Variants in RPL27 observed in about 807,000 individuals in gnomAD.
RPL27 encodes the protein ribosomal protein L27, also known as large ribosomal subunit protein eL27.
For synonymous variants in RPL27, 77 were observed against 61.0 expected, an observed-to-expected ratio of 1.26 and a Z score of -1.22; for missense variants, 131 against 174.3, an observed-to-expected ratio of 0.75 and a Z score of 1.40.
chr17:42,999,317 A>T (rs1293758916), intron 2 of RPL27: 1 of 155,460 alleles, frequency 6.4e-6, no homozygotes, highest in Admixed American at 6.4e-5. Flanking sequence ...CCCCAGCTAT[A>T]GGGGGTTCCT....
At chr17:43,000,152 A>G in intron 3 of RPL27, 50 bp downstream of exon 3, 1 of 1,403,868 alleles carries the variant, frequency 7.1e-7, no homozygotes, top group South Asian at 1.2e-5. Flanking sequence ...TGCTCTGTTG[A>G]ATAATGAGAC....
Position 42,998,735 on chromosome 17 carries a change from C to T in RPL27, c.-2-14C>T. The T allele has an allele frequency of 1.2e-6, 2 of 1,609,534 alleles. No homozygotes were observed. Among genetic ancestry groups the T allele is most frequent in the South Asian group, 2.2e-5 (2 of 90,920 alleles). The stretch of plus-strand genomic sequence containing the variant: ...ACGGATTTTTAAGTGGCCCTTTCTC[C>T]TTGCTCTCTGCAGAAATGGGCAAGT... On this transcript the variant is annotated splice_polypyrimidine_tract_variant and intron_variant, in intron 1 of 4. Transcript: ENST00000253788.
At chr17:42,998,312 T>C (rs565844951), upstream of RPL27, 1 of 156,974 alleles carries the variant, frequency 6.4e-6, no homozygotes, top group Admixed American at 6.5e-5. Context: ...GTTTCCCTCA[T>C]GAGCTTCTTC....
intron 1 of RPL27, 121 bp from the exon 2 acceptor site, chr17:42,998,628 A>G: frequency 1.3e-6 from 1 of 754,758 alleles, no homozygotes; most frequent in Non-Finnish European, 2.3e-6. Flanking sequence ...GCCTTGACCA[A>G]GGCGACAGTG....
chr17:42,999,183 G>A, intron 2 of RPL27: 1 of 185,676 alleles, frequency 5.4e-6, no homozygotes, highest in Non-Finnish European at 1.1e-5. Context: ...TTTTTTTTTT[G>A]AGACGGGATC....
intron 2 of RPL27, chr17:42,999,090 A>C: frequency 2.2e-6 from 1 of 449,650 alleles, no homozygotes; most frequent in Non-Finnish European, 4.0e-6. Context: ...CACGCTTGCT[A>C]TGTGCTCCCA....
intron 2 of RPL27, 81 bp downstream of exon 2, chr17:42,998,912 G>A (rs1202277092): frequency 8.7e-7 from 1 of 1,155,676 alleles, no homozygotes. Flanking sequence ...TGGAATTCAA[G>A]GCCTGTTTCT....
rs548583865 is a variant in RPL27, at chr17:43,002,848, G to T, written c.363-24G>T. On this transcript the variant is annotated intron_variant, in intron 4 of 4. Transcript: ENST00000253788. Reference sequence around the variant, plus strand: ...ACTATTTCCATTCCTTTCCTCATTGGTGTCCTCTTTTTTTCCCTTCTAGAT... The same window carrying T: ...ACTATTTCCATTCCTTTCCTCATTGTTGTCCTCTTTTTTTCCCTTCTAGAT... The T allele has an allele frequency of 5.0e-6, 8 of 1,612,574 alleles. No individual in the cohort carries two copies. In the Admixed American group the frequency reaches 5.0e-5, roughly 10 times the overall value.
At chr17:43,002,372 T>C (rs933957393) in intron 3 of RPL27, among the ~76,000 whole-genome samples, 27 of 150,984 alleles carry the variant, frequency 1.8e-4, no homozygotes, top group African/African-American at 6.3e-4. Flanking sequence ...CCAGGCCTGA[T>C]GGCGGGCACC....
At chr17:43,002,582 C>CT (rs1491470279) in intron 3 of RPL27, 91 bp from the exon 4 acceptor site, 8 of 736,048 alleles carry the variant, frequency 1.1e-5, no homozygotes, top group Non-Finnish European at 1.8e-5. Flanking sequence ...AGGAGTCAGA[C>CT]CCTGATTCCC....
intron 3 of RPL27, among the ~76,000 whole-genome samples, chr17:43,001,442 G>A (rs370000817): frequency 7.2e-5 from 10 of 139,526 alleles, no homozygotes; most frequent in Admixed American, 4.6e-4. Context: ...CCTGGCCAAC[G>A]TGATGAAATC....
At chr17:42,998,539 G>T in intron 1 of RPL27, 68 bp downstream of exon 1, 1 of 452,778 alleles carries the variant, frequency 2.2e-6, no homozygotes, top group Non-Finnish European at 4.0e-6. Flanking sequence ...GAAGGTCCGG[G>T]CGGCGCCGGG....
rs145566561 is a variant in RPL27 at position 43,002,629 on chromosome 17, C to T, written c.252-44C>T. 1,624 of 1,243,080 alleles carry T rather than the reference C, an allele frequency of 1.3e-3. 17 individuals carry two copies. In the African/African-American group the frequency reaches 0.021, roughly 16 times the overall value. The allele number at this position is 1,243,080 out of a possible 1,614,324, so 77.0% of individuals were successfully genotyped here. On this transcript the variant is annotated intron_variant, in intron 3 of 4. Coordinates refer to ENST00000253788, the MANE Select transcript of RPL27 (RefSeq NM_000988.5). ...AAGGATTTGGGCTGTATAGGGGCCC[C>T]GGCAGTATGTGGGCTAATCCTGCCT...
intron 3 of RPL27, among the ~76,000 whole-genome samples, chr17:43,002,288 G>A (rs2050371357): frequency 6.6e-6 from 1 of 151,430 alleles, no homozygotes; most frequent in African/African-American, 2.4e-5. Context: ...GGCGGATCAC[G>A]AGGTCAGGAG....
intron 3 of RPL27, among the ~76,000 whole-genome samples, chr17:43,001,873 C>T (rs976867383): frequency 2.3e-4 from 35 of 151,616 alleles, no homozygotes; most frequent in Admixed American, 1.3e-4. Context: ...AAGCGGATCA[C>T]GAGATCAGGA....
chr17:42,998,487 G>A lies in RPL27; in HGVS notation c.-3+16G>A, dbSNP rs945745536. 3 of 366,524 alleles carry A rather than the reference G, an allele frequency of 8.2e-6. No homozygotes were observed. The highest frequency in any genetic ancestry group is 1.5e-5 in the Non-Finnish European group (3 of 198,686). 22.7% of individuals were successfully genotyped at this position (366,524 alleles called of 1,614,324 possible). A position where few individuals can be genotyped will look rare whatever the true frequency, so the allele number is the denominator to read the frequency against. On this transcript the variant is annotated intron_variant, in intron 1 of 4. Transcript: ENST00000253788. Reference sequence around the variant, plus strand: ...GTTGCTGCCGGTAAGTAGAAGCTTGGGTTGAATCTTTCAATCCGCTGCCAT... The same window carrying A: ...GTTGCTGCCGGTAAGTAGAAGCTTGAGTTGAATCTTTCAATCCGCTGCCAT...
rs1422169310 is a variant in RPL27 at position 43,000,006 on chromosome 17, A to G, written c.155A>G (p.Lys52Arg). The G allele has an allele frequency of 4.3e-6, 7 of 1,612,364 alleles. No homozygotes were observed. In the African/African-American group the frequency reaches 5.3e-5, roughly 12 times the overall value. ...GCTGGAATTGACCGCTACCCCCGCA[A>G]AGTGACAGCTGCCATGGGCAAGAAG... Reference protein sequence around the residue: ...LVAGIDRYPRKVTAAMGKKKI... With the variant: ...LVAGIDRYPRRVTAAMGKKKI... Residue 52 changes from lysine to arginine, a missense_variant, in exon 3 of 5, where the codon AAA becomes AGA. By Grantham distance (26) the Lys-to-Arg change is conservative. Coordinates refer to ENST00000253788, the MANE Select transcript of RPL27 (RefSeq NM_000988.5).
At chr17:43,001,964 G>T (rs563475058) in intron 3 of RPL27, among the ~76,000 whole-genome samples, 1 of 150,850 alleles carries the variant, frequency 6.6e-6, no homozygotes, top group African/African-American at 2.5e-5. Context: ...GGTGGCAGGC[G>T]CCTGTAGTAG....
At chr17:42,999,487 C>G (rs2050336638) in intron 2 of RPL27, 1 of 159,402 alleles carries the variant, frequency 6.3e-6, no homozygotes, top group Admixed American at 6.1e-5. Context: ...GTTCCCTAGG[C>G]TCTGGCCACA....
Sources: allele counts gnomAD v4.1 joint callset (sites outside exome capture counted in the v4.1 genomes callset), GRCh38; gene constraint gnomAD v4.1.1; transcripts MANE v1.5; gene names NCBI Gene and HGNC (gene_info 2026-07-23, HGNC 2026-07-21).